NRXN1: variants seen among roughly 807,000 people sequenced by gnomAD.
NRXN1 encodes the protein neurexin-1.
A neutral mutation model predicts 150.9 loss-of-function variants in NRXN1; 39 were observed. The observed-to-expected ratio is 0.26, with a 90% CI of 0.20 to 0.34. NRXN1 has a LOEUF of 0.34. Among genes scored for constraint, NRXN1 ranks in the 10% least tolerant of loss-of-function variants. The pLI is 1.00. For synonymous variants in NRXN1, 924 were observed against 757.0 expected, an observed-to-expected ratio of 1.22 and a Z score of -3.62; for missense variants, 1,815 against 1,949.9, an observed-to-expected ratio of 0.93 and a Z score of 1.30.
chr2:50,300,633 G>A (rs1193664667), intron 17 of NRXN1, among the ~76,000 whole-genome samples: 2 of 152,178 alleles, frequency 1.3e-5, no homozygotes, highest in Non-Finnish European at 2.9e-5. Flanking sequence ...GACGTGATGA[G>A]GTCCACTTCT....
At chr2:50,737,051 A>T (rs1449880235) in intron 5 of NRXN1, among the ~76,000 whole-genome samples, 1 of 151,876 alleles carries the variant, frequency 6.6e-6, no homozygotes, top group African/African-American at 2.4e-5. Context: ...TGAGGTAAGG[A>T]GTTTGAGACC....
chr2:50,377,706 C>G (rs182269855), intron 17 of NRXN1, among the ~76,000 whole-genome samples: 1 of 152,214 alleles, frequency 6.6e-6, no homozygotes, highest in Admixed American at 6.5e-5. Context: ...GCCATTTGCT[C>G]ATATATTTCA....
intron 18 of NRXN1, among the ~76,000 whole-genome samples, chr2:50,168,477 G>A (rs2059820040): frequency 6.6e-6 from 1 of 152,174 alleles, no homozygotes; most frequent in Non-Finnish European, 1.5e-5. Flanking sequence ...AGAGAGAAGA[G>A]TGGAAATTTG....
At chr2:50,421,810 A>G (rs2084021157) in intron 17 of NRXN1, among the ~76,000 whole-genome samples, 2 of 152,156 alleles carry the variant, frequency 1.3e-5, no homozygotes, top group South Asian at 4.1e-4. Context: ...TGAAGAGATC[A>G]GAACTGTTGT....
intron 19 of NRXN1, among the ~76,000 whole-genome samples, chr2:50,064,598 G>T (rs1022597324): frequency 6.6e-6 from 1 of 152,076 alleles, no homozygotes; most frequent in African/African-American, 2.4e-5. Context: ...ATATTTTCTA[G>T]ATGAATTTTA....
At chr2:50,890,811 G>A (rs1021721055) in intron 5 of NRXN1, among the ~76,000 whole-genome samples, 9 of 151,838 alleles carry the variant, frequency 5.9e-5, no homozygotes, top group African/African-American at 2.2e-4. Context: ...GATAACGACT[G>A]TAGTGAAACA....
In NRXN1 at chr2:50,496,177, T is replaced by G. The variant is rs1053367006; in HGVS notation, c.2880-82A>C. On this transcript the variant is annotated intron_variant, in intron 14 of 22. Transcript: ENST00000401669. Reference sequence around the variant, plus strand: ...TAAAGTAGATATTACAAATGGAGATTTTTTTTCAGGTGGTTCCATCCTTAC... The same window carrying G: ...TAAAGTAGATATTACAAATGGAGATGTTTTTTCAGGTGGTTCCATCCTTAC... The G allele has an allele frequency of 3.6e-6, 4 of 1,107,090 alleles. No individual in the cohort carries two copies. In the East Asian group the frequency reaches 1.0e-4, roughly 29 times the overall value. 68.6% of individuals were successfully genotyped at this position (1,107,090 alleles called of 1,614,324 possible).
At chr2:50,962,034 G>A (rs1172436057) in intron 2 of NRXN1, among the ~76,000 whole-genome samples, 1 of 151,520 alleles carries the variant, frequency 6.6e-6, no homozygotes, top group Non-Finnish European at 1.5e-5. Flanking sequence ...AGCATTTGCA[G>A]AATAAAATTG....
intron 5 of NRXN1, among the ~76,000 whole-genome samples, chr2:50,676,624 T>A (rs774039017): frequency 6.6e-6 from 1 of 152,180 alleles, no homozygotes; most frequent in East Asian, 1.9e-4. Flanking sequence ...ACCATGCATA[T>A]GCTAACCATT....
At chr2:50,449,863 T>A (rs141886007) in intron 17 of NRXN1, among the ~76,000 whole-genome samples, 36 of 152,244 alleles carry the variant, frequency 2.4e-4, no homozygotes, top group East Asian at 9.7e-4. Context: ...TTACCATACA[T>A]CATCTTTAAT....
Position 49,943,608 on chromosome 2 carries a change from G to A in NRXN1, c.4216+96C>T. On this transcript the variant is annotated intron_variant, in intron 22 of 22. Coordinates refer to ENST00000401669, the MANE Select transcript of NRXN1 (RefSeq NM_001330078.2). ...CAATCAACGATGGTATAGGAGGGTA[G>A]CCTTCTATACATGAATATAAGGCCC... The A allele has an allele frequency of 8.9e-6, 7 of 790,596 alleles. No individual in the cohort carries two copies. In the Admixed American group the frequency reaches 1.4e-4, roughly 16 times the overall value. The allele number at this position is 790,596 out of a possible 1,614,324, so 49.0% of individuals were successfully genotyped here.
intron 12 of NRXN1, among the ~76,000 whole-genome samples, chr2:50,526,949 A>G (rs1319402055): frequency 1.3e-5 from 2 of 152,192 alleles, no homozygotes; most frequent in African/African-American, 4.8e-5. Flanking sequence ...GCCAAATGGC[A>G]AACGAGTCTA....
chr2:50,943,208 T>C (rs138265650), intron 2 of NRXN1, among the ~76,000 whole-genome samples: 80 of 152,258 alleles, frequency 5.3e-4, no homozygotes, highest in Middle Eastern at 3.4e-3. Flanking sequence ...TGTAAGTCAA[T>C]TAAACCTCTT....
intron 18 of NRXN1, among the ~76,000 whole-genome samples, chr2:50,230,404 G>A (rs186952413): frequency 6.6e-6 from 1 of 152,088 alleles, no homozygotes; most frequent in East Asian, 1.9e-4. Flanking sequence ...TAAATTTTAG[G>A]TACAGAATTT....
At chr2:50,638,852 T>C (rs1389935608) in intron 5 of NRXN1, among the ~76,000 whole-genome samples, 1 of 152,168 alleles carries the variant, frequency 6.6e-6, no homozygotes, top group East Asian at 1.9e-4. Flanking sequence ...CACAAAACTA[T>C]ACAAGTTAAA....
At chr2:50,440,342 A>G (rs1001932510) in intron 17 of NRXN1, among the ~76,000 whole-genome samples, 1 of 152,076 alleles carries the variant, frequency 6.6e-6, no homozygotes, top group Non-Finnish European at 1.5e-5. Context: ...AGTATGTACA[A>G]CCACTTAATG....
intron 5 of NRXN1, among the ~76,000 whole-genome samples, chr2:50,797,537 C>T (rs1230482873): frequency 6.6e-6 from 1 of 152,028 alleles, no homozygotes; most frequent in Non-Finnish European, 1.5e-5. Context: ...CTGAAAAACA[C>T]GGAGCTAGAT....
chr2:49,977,699 A>C (rs1298265429), intron 21 of NRXN1, among the ~76,000 whole-genome samples: 1 of 152,278 alleles, frequency 6.6e-6, no homozygotes, highest in East Asian at 1.9e-4. Context: ...GTCAGTGGTA[A>C]AAGTGTGTTA....
At chr2:50,484,557 G>A (rs1198976698) in intron 15 of NRXN1, among the ~76,000 whole-genome samples, 1 of 152,164 alleles carries the variant, frequency 6.6e-6, no homozygotes, top group Admixed American at 6.5e-5. Context: ...GCCGATGACT[G>A]ATTGATAGGC....
Sources: allele counts gnomAD v4.1 joint callset (sites outside exome capture counted in the v4.1 genomes callset), GRCh38; gene constraint gnomAD v4.1.1; transcripts MANE v1.5; gene names NCBI Gene and HGNC (gene_info 2026-07-23, HGNC 2026-07-21).